Variants in FCHO1 observed in about 807,000 individuals in gnomAD.
FCHO1 encodes the protein F-BAR domain only protein 1.
FCHO1 carries 45 observed loss-of-function variants against 114.4 expected under a neutral mutation model. The ratio of observed to expected loss-of-function variants is 0.39; its 90% confidence interval spans 0.31 to 0.50. FCHO1 has a LOEUF of 0.50. Ranked by LOEUF, FCHO1 falls within the 20% of genes least tolerant of loss-of-function variation. The pLI is 0.77. For missense variants in FCHO1, 1,042 were observed against 1,209.6 expected, an observed-to-expected ratio of 0.86 and a Z score of 2.06; for synonymous variants, 480 against 488.9, an observed-to-expected ratio of 0.98 and a Z score of 0.24.
At chr19:17,772,592 A>C in intron 10 of FCHO1, 37 bp downstream of exon 10, 1 of 1,613,232 alleles carries the variant, frequency 6.2e-7, no homozygotes, top group East Asian at 2.2e-5. Flanking sequence ...GGCTGGGGTC[A>C]CTGCTGGGCA....
chr19:17,755,355 C>G (rs924276622), intron 4 of FCHO1, 164 bp downstream of exon 4: 1 of 633,260 alleles, frequency 1.6e-6, no homozygotes. Context: ...GAATCCACAC[C>G]CACCCCAGAC....
At chr19:17,781,969 GT>G in intron 23 of FCHO1, 149 bp downstream of exon 23, 4 of 482,712 alleles carry the variant, frequency 8.3e-6, no homozygotes, top group Non-Finnish European at 1.4e-5. Context: ...CCTGAGGGCA[GT>G]GGAGCCATAG....
At chr19:17,773,996 C>T (rs570704195) in intron 11 of FCHO1, among the ~76,000 whole-genome samples, 15 of 151,912 alleles carry the variant, frequency 9.9e-5, no homozygotes, top group African/African-American at 1.9e-4. Flanking sequence ...CTGCAACCTC[C>T]GCCTCCTGGG....
intron 7 of FCHO1, among the ~76,000 whole-genome samples, chr19:17,767,398 A>G (rs1316480456): frequency 2.0e-5 from 3 of 149,000 alleles, no homozygotes; most frequent in Non-Finnish European, 4.5e-5. Context: ...TCTTTACCAA[A>G]AAAAAAAAAA....
In FCHO1 at chr19:17,784,685, G is replaced by GC; in HGVS notation, c.2227-37dup. On this transcript the variant is annotated intron_variant, in intron 25 of 28. Transcript: ENST00000596536. The surrounding 1 kb of genome is among the most constrained non-coding windows in gnomAD (Gnocchi z 5.3). ...GCGCATGGTGTGGCAAGACAGGATGGCCCAAGCTGTGTCCTCTCTCTCATT... is the reference window on the plus strand; with the variant it reads ...GCGCATGGTGTGGCAAGACAGGATGGCCCCAAGCTGTGTCCTCTCTCTCATT... 1 of 1,594,862 alleles carries GC rather than the reference G, an allele frequency of 6.3e-7. No homozygotes were observed. Among genetic ancestry groups the GC allele is most frequent in the Middle Eastern group, 1.7e-4 (1 of 6,030 alleles).
rs1460995412 is a variant in FCHO1, at chr19:17,775,480, G to C, written c.970G>C (p.Gly324Arg). Residue 324 changes from glycine to arginine, a missense_variant, in exon 15 of 29, where the codon GGT becomes CGT. Coordinates refer to ENST00000596536, the MANE Select transcript of FCHO1 (RefSeq NM_015122.3). This position sits in a 1 kb window ranked among gnomAD's most constrained non-coding sequence, Gnocchi z 5.1. ...SGTCPEVDEE[G>R]FTVRPDVTQN... ...GACATGTCCAGAGGTGGATGAAGAA[G>C]GTTTCACTGTCCGGCCTGATGTGAC... is the stretch of plus-strand genomic sequence containing the variant. 6.2e-7 allele frequency: 1 copy of C among 1,613,844 alleles called. No homozygotes were observed. The highest frequency in any genetic ancestry group is 8.5e-7 in the Non-Finnish European group (1 of 1,179,972).
chr19:17,769,580 AACACACACACAC>A (rs71162199), intron 7 of FCHO1, among the ~76,000 whole-genome samples: 18,917 of 143,888 alleles, frequency 0.13, 1,322 homozygotes, highest in Admixed American at 0.15. Context: ...CTTCGTCTCA[AACACACACACAC>A]ACACACACAC....
rs992495034 is a variant in FCHO1, at chr19:17,777,999, A to G, written c.1260-138A>G. 3.6e-5 allele frequency: 22 copies of G among 612,570 alleles called. No homozygotes were observed. The East Asian group carries it at 5.6e-4, about 15-fold the overall frequency. 37.9% of individuals were successfully genotyped at this position (612,570 alleles called of 1,614,324 possible). A position where few individuals can be genotyped will look rare whatever the true frequency, so the allele number is the denominator to read the frequency against. The stretch of plus-strand genomic sequence containing the variant: ...GGTTGCAGCAAGCTGAGATCGTGCC[A>G]CTGCACTGCAGCCTGGCCGACAGAG... On this transcript the variant is annotated intron_variant, in intron 18 of 28. Transcript: ENST00000596536.
In FCHO1 at chr19:17,781,509, C is replaced by T. The variant is rs750450448; in HGVS notation, c.1798C>T (p.Arg600Trp). The change falls in exon 22 of 29, where the codon CGG (arginine) becomes TGG (tryptophan). Residue 600 changes from arginine (R) to tryptophan (W), a missense_variant. Physicochemically the swap from Arg to Trp is moderately radical, Grantham distance 101. Transcript: ENST00000596536. ...TTCAGCCGCCAGCACTGCCTTGGAA[C>T]GGCCCAGCTTCTTATCCCAGACAGG... ...GSSAASTALE[R>W]PSFLSQTGHG... The T allele has an allele frequency of 1.4e-5, 23 of 1,613,930 alleles. No individual in the cohort carries two copies. The highest frequency in any genetic ancestry group is 8.3e-5 in the Admixed American group (5 of 59,982).
intron 20 of FCHO1, 128 bp downstream of exon 20, chr19:17,779,012 C>G (rs1000513296): frequency 1.0e-6 from 1 of 1,000,468 alleles, no homozygotes; most frequent in East Asian, 2.8e-5. Context: ...AACCTCCCAC[C>G]GTTGCAGGGA....
intron 7 of FCHO1, among the ~76,000 whole-genome samples, chr19:17,770,136 C>G (rs913984803): frequency 6.6e-6 from 1 of 152,016 alleles, no homozygotes; most frequent in African/African-American, 2.4e-5. Context: ...CCCGTCTCCA[C>G]TAAAAATACA....
intron 4 of FCHO1, among the ~76,000 whole-genome samples, chr19:17,757,901 G>A (rs1443505132): frequency 2.9e-5 from 4 of 135,680 alleles, no homozygotes; most frequent in African/African-American, 8.4e-5. Flanking sequence ...GGGCGACAGA[G>A]CAAGACCCTG....
intron 8 of FCHO1, 70 bp downstream of exon 8, chr19:17,770,647 A>G: frequency 6.3e-7 from 1 of 1,583,704 alleles, no homozygotes; most frequent in Non-Finnish European, 8.6e-7. Context: ...CAGAGAGTGG[A>G]AACACATCCC....
At chr19:17,777,690 A>AG (rs1418680384) in intron 18 of FCHO1, among the ~76,000 whole-genome samples, 1 of 152,108 alleles carries the variant, frequency 6.6e-6, no homozygotes, top group Non-Finnish European at 1.5e-5. Context: ...GGTGACTTGG[A>AG]GCTAAGCCCC....
intron 26 of FCHO1, among the ~76,000 whole-genome samples, chr19:17,786,311 C>T (rs560982975): frequency 3.5e-4 from 53 of 151,982 alleles, no homozygotes; most frequent in African/African-American, 6.3e-4. Context: ...CCAGCCGGGG[C>T]GACAGAGGGA....
intron 5 of FCHO1, 37 bp downstream of exon 5, chr19:17,762,890 C>A: frequency 2.1e-6 from 3 of 1,421,046 alleles, no homozygotes; most frequent in South Asian, 1.1e-5. Flanking sequence ...GAGGCCACGC[C>A]CACCATCCTG....
intron 4 of FCHO1, among the ~76,000 whole-genome samples, chr19:17,758,152 T>TGCA (rs1393468471): frequency 6.6e-6 from 1 of 151,886 alleles, no homozygotes; most frequent in African/African-American, 2.4e-5. Flanking sequence ...GAGACAGAGC[T>TGCA]TGCAGTGAGC....
Position 17,788,557 on chromosome 19 carries a change from AC to A in FCHO1, c.*253del. The A allele has an allele frequency of 1.9e-6, 1 of 519,038 alleles. No individual in the cohort carries two copies. Among genetic ancestry groups the A allele is most frequent in the South Asian group, 2.9e-5 (1 of 34,734 alleles). The allele number at this position is 519,038 out of a possible 1,614,324, so 32.2% of individuals were successfully genotyped here. The stretch of plus-strand genomic sequence containing the variant: ...ATTTTCTAATAAAATAAAAAAGGAA[AC>A]CTTTTCCTGCTCCAGGAAGTATCCT... On this transcript the variant is annotated 3_prime_UTR_variant, in exon 29 of 29. Transcript: ENST00000596536.
At chr19:17,757,712 T>G (rs113311042) in intron 4 of FCHO1, among the ~76,000 whole-genome samples, 4 of 152,128 alleles carry the variant, frequency 2.6e-5, no homozygotes, top group African/African-American at 9.6e-5. Flanking sequence ...CCCAGGACTT[T>G]GAGACCAGCC....
Sources: allele counts gnomAD v4.1 joint callset (sites outside exome capture counted in the v4.1 genomes callset), GRCh38; gene constraint gnomAD v4.1.1; non-coding constraint Gnocchi (gnomAD v3.1); transcripts MANE v1.5; gene names NCBI Gene and HGNC (gene_info 2026-07-23, HGNC 2026-07-21).